Variants in ITGAX observed in about 807,000 individuals in gnomAD.
ITGAX encodes the protein integrin alpha-X.
ITGAX carries 99 observed loss-of-function variants against 140.2 expected under a neutral mutation model. The observed-to-expected ratio is 0.71, with a 90% CI of 0.60 to 0.83. The LOEUF is 0.83. Among genes scored for constraint, ITGAX ranks in the 40% least tolerant of loss-of-function variants. The pLI, the probability that ITGAX is intolerant of heterozygous loss-of-function variation, is 0.00. For missense variants in ITGAX, 1,444 were observed against 1,482.0 expected, an observed-to-expected ratio of 0.97 and a Z score of 0.42; for synonymous variants, 631 against 600.4, an observed-to-expected ratio of 1.05 and a Z score of -0.75.
intron 25 of ITGAX, 54 bp from the exon 26 acceptor site, chr16:31,379,928 A>G: frequency 1.9e-6 from 3 of 1,608,780 alleles, no homozygotes; most frequent in South Asian, 1.1e-5. Flanking sequence ...CTTGTGCCCC[A>G]TGTGGGTCCC....
intron 20 of ITGAX, among the ~76,000 whole-genome samples, 164 bp downstream of exon 20, chr16:31,373,554 A>G (rs183412699): frequency 1.4e-3 from 207 of 152,332 alleles, no homozygotes; most frequent in African/African-American, 4.7e-3. Flanking sequence ...GACACTGACT[A>G]TCAGGAATGA....
intron 14 of ITGAX, 21 bp from the exon 15 acceptor site, chr16:31,371,063 A>C (rs756482103): frequency 6.2e-7 from 1 of 1,612,770 alleles, no homozygotes; most frequent in South Asian, 1.1e-5. Flanking sequence ...ATCTTGATTC[A>C]CCCTTCTCTC....
Position 31,382,369 on chromosome 16 carries a change from C to T in ITGAX, c.*462C>T. 4 of 1,419,398 alleles carry T rather than the reference C, an allele frequency of 2.8e-6. No homozygotes were observed. The South Asian group carries it at 4.9e-5, about 17-fold the overall frequency. 87.9% of individuals were successfully genotyped at this position (1,419,398 alleles called of 1,614,324 possible). A position where few individuals can be genotyped will look rare whatever the true frequency, so the allele number is the denominator to read the frequency against. On this transcript the variant is annotated 3_prime_UTR_variant, in exon 30 of 30. Coordinates refer to ENST00000268296, the MANE Select transcript of ITGAX (RefSeq NM_000887.5). Reference sequence around the variant, plus strand: ...CAAGTAATTCTGCTGTCTCAGCCTCCTGAGTAGCTGGGACTACAGGCACAC... The same window carrying T: ...CAAGTAATTCTGCTGTCTCAGCCTCTTGAGTAGCTGGGACTACAGGCACAC...
chr16:31,380,301 T>G lies in ITGAX; in HGVS notation c.3096T>G (p.Cys1032Trp), dbSNP rs1411270853. ...CSIAGCLRFR[C>W]DVPSFSVQEE... The stretch of plus-strand genomic sequence containing the variant: ...TTGCTGGCTGCCTGCGGTTCCGCTG[T>G]GACGTCCCCTCCTTCAGCGTCCAGG... Residue 1032 changes from cysteine (C) to tryptophan (W), a missense_variant, in exon 27 of 30, where the codon TGT becomes TGG. Transcript: ENST00000268296. 6.2e-6 allele frequency: 10 copies of G among 1,614,128 alleles called. No individual in the cohort carries two copies. Among genetic ancestry groups the G allele is most frequent in the Non-Finnish European group, 7.6e-6 (9 of 1,180,050 alleles).
Position 31,360,082 on chromosome 16 carries a change from T to G in ITGAX, c.707+17T>G. 1.9e-6 allele frequency: 3 copies of G among 1,607,248 alleles called. No individual in the cohort carries two copies. Among genetic ancestry groups the G allele is most frequent in the Non-Finnish European group, 2.5e-6 (3 of 1,179,864 alleles). On this transcript the variant is annotated intron_variant, in intron 7 of 29. Coordinates refer to ENST00000268296, the MANE Select transcript of ITGAX (RefSeq NM_000887.5). ...AAATGTCGTGTGAGTCCTGATTTCT[T>G]CCAGGCACAGTCCCAAAGCACCCAG...
intron 11 of ITGAX, 148 bp downstream of exon 11, chr16:31,362,352 G>A (rs2080838415): frequency 2.2e-6 from 2 of 920,342 alleles, no homozygotes; most frequent in Admixed American, 5.9e-5. Flanking sequence ...GCTGCCCGGG[G>A]TGGGTTCCAG....
intron 6 of ITGAX, 25 bp downstream of exon 6, chr16:31,359,855 G>C: frequency 1.9e-6 from 3 of 1,614,028 alleles, no homozygotes; most frequent in Non-Finnish European, 2.5e-6. Flanking sequence ...GAGGGAGGCT[G>C]CTGGGGGTGG....
chr16:31,375,998 G>A (rs202024060), intron 20 of ITGAX, among the ~76,000 whole-genome samples: 1 of 152,204 alleles, frequency 6.6e-6, no homozygotes, highest in African/African-American at 2.4e-5. Context: ...GCTGTGATTT[G>A]TTGGTTCTTG....
At chr16:31,371,277 C>G in intron 15 of ITGAX, 57 bp from the exon 16 acceptor site, 2 of 1,608,002 alleles carry the variant, frequency 1.2e-6, no homozygotes, top group Non-Finnish European at 1.7e-6. Flanking sequence ...GGTGCCCACC[C>G]CACGTGGTGC....
intron 14 of ITGAX, among the ~76,000 whole-genome samples, chr16:31,367,552 G>T (rs1352090218): frequency 6.6e-6 from 1 of 152,212 alleles, no homozygotes; most frequent in Non-Finnish European, 1.5e-5. Flanking sequence ...ATGGAACAAA[G>T]CTGGGGTGAC....
At chr16:31,377,373 G>A (rs939547537) in intron 23 of ITGAX, 108 bp downstream of exon 23, 64 of 862,248 alleles carry the variant, frequency 7.4e-5, no homozygotes, top group Non-Finnish European at 1.1e-4. Flanking sequence ...TAAGGTGTTT[G>A]AAACTAAAAG....
At chr16:31,379,506 C>A in intron 23 of ITGAX, 62 bp from the exon 24 acceptor site, 1 of 1,480,172 alleles carries the variant, frequency 6.8e-7, no homozygotes, top group Non-Finnish European at 9.2e-7. Context: ...CATGCTCTAG[C>A]CAATGCCTTC....
chr16:31,382,053 G>T lies in ITGAX; in HGVS notation c.*146G>T. ...TCCTGTCTTTGGGAGAAAACGTCTT[G>T]CTTGGGAAGGGGCCTTTGTCTTGTC... On this transcript the variant is annotated 3_prime_UTR_variant, in exon 30 of 30. Transcript: ENST00000268296. 6.9e-7 allele frequency: 1 copy of T among 1,441,372 alleles called. No individual in the cohort carries two copies. The highest frequency in any genetic ancestry group is 9.1e-7 in the Non-Finnish European group (1 of 1,102,578). 89.3% of individuals were successfully genotyped at this position (1,441,372 alleles called of 1,614,324 possible).
chr16:31,371,541 G>T (rs1373641619), intron 16 of ITGAX, 44 bp downstream of exon 16: 2 of 1,610,468 alleles, frequency 1.2e-6, no homozygotes, highest in African/African-American at 2.7e-5. Context: ...GACCTCTGGA[G>T]TCCCCCATCC....
At chr16:31,371,935 G>C in intron 17 of ITGAX, 151 bp downstream of exon 17, 1 of 884,746 alleles carries the variant, frequency 1.1e-6, no homozygotes, top group African/African-American at 1.7e-5. Flanking sequence ...TAGCCAGTGA[G>C]TGAGTGAGCG....
chr16:31,362,569 A>T, intron 11 of ITGAX, 42 bp from the exon 12 acceptor site: 7 of 1,493,378 alleles, frequency 4.7e-6, no homozygotes, highest in Non-Finnish European at 6.2e-6. Flanking sequence ...GGTTCTGGGG[A>T]GGGGGAATGG....
At chr16:31,355,786 C>T (rs921240769) in intron 1 of ITGAX, 107 bp from the exon 2 acceptor site, 20 of 821,512 alleles carry the variant, frequency 2.4e-5, no homozygotes, top group East Asian at 7.5e-5. Flanking sequence ...CCAGGCACCC[C>T]GGGCATCAGG....
In ITGAX at chr16:31,372,474, C is replaced by G; in HGVS notation, c.2257C>G (p.Leu753Val). 1 of 1,607,974 alleles carries G rather than the reference C, an allele frequency of 6.2e-7. No homozygotes were observed. The highest frequency in any genetic ancestry group is 8.5e-7 in the Non-Finnish European group (1 of 1,178,490). The change falls in exon 18 of 30, where the codon CTG (leucine) becomes GTG (valine). Residue 753 changes from leucine to valine, a missense_variant. Physicochemically the swap from Leu to Val is conservative, Grantham distance 32. Transcript: ENST00000268296. ...TGCCTTCAGAAACCTGCGGCCTATG[C>G]TGGCCGCCGATGCTCAGAGATACTT... Reference protein sequence around the residue: ...LLAFRNLRPMLAADAQRYFTA... With the variant: ...LLAFRNLRPMVAADAQRYFTA...
In ITGAX at chr16:31,361,210, G is replaced by A. The variant is rs1378248573; in HGVS notation, c.1009G>A (p.Glu337Lys). The change falls in exon 9 of 30, where the codon GAG becomes AAG. Residue 337 changes from glutamate (E) to lysine (K), a missense_variant. Physicochemically the swap from Glu to Lys is moderately conservative, Grantham distance 56. Coordinates refer to ENST00000268296, the MANE Select transcript of ITGAX (RefSeq NM_000887.5). The part of the protein sequence containing the change: ...NQLKEKIFAI[E>K]GTETTSSSSF... ...ACTGAAGGAGAAGATCTTTGCCATT[G>A]AGGGTGAGTCTGAAGGGAGCTCTTC... 6.2e-7 allele frequency: 1 copy of A among 1,611,150 alleles called. No individual in the cohort carries two copies. Among genetic ancestry groups the A allele is most frequent in the Admixed American group, 1.7e-5 (1 of 59,546 alleles).
Sources: gnomAD v4.1 joint callset for allele counts (sites outside exome capture counted in the v4.1 genomes callset) on GRCh38, gnomAD v4.1.1 for gene constraint, MANE v1.5 for transcripts, NCBI Gene and HGNC (gene_info 2026-07-23, HGNC 2026-07-21) for gene names.